SEMA5A: variants seen among roughly 807,000 people sequenced by gnomAD.
SEMA5A encodes semaphorin-5A.
SEMA5A carries 55 observed loss-of-function variants against 135.5 expected under a neutral mutation model. The observed-to-expected ratio is 0.41, with a 90% CI of 0.33 to 0.51. The LOEUF is 0.51. Ranked by LOEUF, SEMA5A falls within the 20% of genes least tolerant of loss-of-function variation. The pLI is 0.37. For missense variants in SEMA5A, 1,290 were observed against 1,419.9 expected, an observed-to-expected ratio of 0.91 and a Z score of 1.47; for synonymous variants, 580 against 546.5, an observed-to-expected ratio of 1.06 and a Z score of -0.85.
intron 22 of SEMA5A, 80 bp downstream of exon 22, chr5:9,044,293 G>T: frequency 8.4e-7 from 1 of 1,194,334 alleles, no homozygotes; most frequent in Non-Finnish European, 1.2e-6. Flanking sequence ...AACCACCACA[G>T]CAGAGAAAGG....
chr5:9,047,627 A>ATGAT (rs1351538618), intron 21 of SEMA5A, among the ~76,000 whole-genome samples: 10 of 152,214 alleles, frequency 6.6e-5, no homozygotes, highest in African/African-American at 2.4e-4. Context: ...TTCCTGTACA[A>ATGAT]TGATTGATTT....
At chr5:9,309,889 C>G (rs1322249109) in intron 5 of SEMA5A, among the ~76,000 whole-genome samples, 2 of 10,672 alleles carry the variant, frequency 1.9e-4, no homozygotes, top group Non-Finnish European at 7.6e-4. Context: ...AAATCTTCAC[C>G]AAGGGAACAG....
Position 9,360,121 on chromosome 5 carries a change from T to G in SEMA5A, c.124+19702A>C, listed in dbSNP as rs922802648. ...GTTGTTCAATGAACTACTCACTAGA[T>G]GAACCACTGGCCTTTGCAGGTATTA... On this transcript the variant is annotated intron_variant, in intron 3 of 22. Transcript: ENST00000382496. Among the ~76,000 whole-genome samples the G allele has an allele frequency of 3.9e-5, 6 of 152,372 alleles. No individual in the cohort carries two copies. In the East Asian group the frequency reaches 1.2e-3, roughly 29 times the overall value.
At chr5:9,393,874 A>C (rs1756273370) in intron 2 of SEMA5A, among the ~76,000 whole-genome samples, 1 of 152,196 alleles carries the variant, frequency 6.6e-6, no homozygotes. Flanking sequence ...AAAAATTAGA[A>C]ATAATACAGG....
At chr5:9,473,383 T>TTTAAAAA (rs375160174) in intron 1 of SEMA5A, among the ~76,000 whole-genome samples, 2 of 79,704 alleles carry the variant, frequency 2.5e-5, no homozygotes, top group African/African-American at 1.0e-4. Context: ...CAATCAGTGG[T>TTTAAAAA]AAAAAAAAAA....
chr5:9,174,852 T>A (rs905460913), intron 11 of SEMA5A, among the ~76,000 whole-genome samples: 1 of 152,218 alleles, frequency 6.6e-6, no homozygotes, highest in African/African-American at 2.4e-5. Context: ...GCCCTTCATG[T>A]TAGACTACAT....
intron 5 of SEMA5A, among the ~76,000 whole-genome samples, chr5:9,305,728 T>TATATATATATGTATATATATATATA (rs1287444762): frequency 5.2e-4 from 49 of 95,020 alleles, no homozygotes; most frequent in African/African-American, 1.7e-3. Context: ...ATATATATAT[T>TATATATATATGTATATATATATATA]TACACGCACA....
intron 5 of SEMA5A, among the ~76,000 whole-genome samples, chr5:9,300,634 C>T (rs1751570194): frequency 6.6e-6 from 1 of 152,076 alleles, no homozygotes; most frequent in Non-Finnish European, 1.5e-5. Flanking sequence ...CTATTTGGAA[C>T]CTGTAATGGT....
chr5:9,231,596 C>T (rs1561051893), intron 6 of SEMA5A, among the ~76,000 whole-genome samples: 1 of 152,092 alleles, frequency 6.6e-6, no homozygotes, highest in African/African-American at 2.4e-5. Flanking sequence ...CGCACTTTGC[C>T]AATCTCTGTT....
intron 5 of SEMA5A, among the ~76,000 whole-genome samples, chr5:9,310,638 G>A (rs538984512): frequency 9.3e-5 from 14 of 151,008 alleles, no homozygotes; most frequent in Non-Finnish European, 1.8e-4. Context: ...TCCAACAGAG[G>A]GTAGTTATAT....
intron 8 of SEMA5A, among the ~76,000 whole-genome samples, chr5:9,210,256 A>T (rs1347912683): frequency 6.6e-6 from 1 of 152,174 alleles, no homozygotes; most frequent in African/African-American, 2.4e-5. Flanking sequence ...AAGCTTCCTC[A>T]CATGACTGGA....
chr5:9,345,732 G>A (rs1223929301), intron 3 of SEMA5A, among the ~76,000 whole-genome samples: 4 of 152,142 alleles, frequency 2.6e-5, no homozygotes, highest in African/African-American at 9.7e-5. Context: ...ACTGCACTTA[G>A]TGAAGTAGAT....
intron 1 of SEMA5A, among the ~76,000 whole-genome samples, chr5:9,533,152 G>C: frequency 6.6e-6 from 1 of 152,222 alleles, no homozygotes; most frequent in East Asian, 1.9e-4. Flanking sequence ...CCATGATACT[G>C]TGGTGTCCAA....
chr5:9,127,937 C>T (rs1579443901), intron 13 of SEMA5A, among the ~76,000 whole-genome samples: 1 of 152,072 alleles, frequency 6.6e-6, no homozygotes, highest in Non-Finnish European at 1.5e-5. Flanking sequence ...ATGGTGACAA[C>T]CGAATGAAGA....
rs116176824 is a variant in SEMA5A at position 9,440,723 on chromosome 5, C to T, written c.-174-2871G>A. 3.1e-3 allele frequency among the ~76,000 whole-genome samples: 471 copies of T among 152,348 alleles called. 4 individuals are homozygous for T. The highest frequency in any genetic ancestry group is 0.011 in the African/African-American group (451 of 41,576). On this transcript the variant is annotated intron_variant, in intron 1 of 22. Coordinates refer to ENST00000382496, the MANE Select transcript of SEMA5A (RefSeq NM_003966.3). Reference sequence around the variant, plus strand: ...TAAGTGCTCATCAGCACATGACTTTCTGCTAAAATATGCAACCTTCTCCCT... The same window carrying T: ...TAAGTGCTCATCAGCACATGACTTTTTGCTAAAATATGCAACCTTCTCCCT...
chr5:9,251,185 A>G (rs1425184977), intron 5 of SEMA5A, among the ~76,000 whole-genome samples: 1 of 152,048 alleles, frequency 6.6e-6, no homozygotes, highest in Non-Finnish European at 1.5e-5. Context: ...TACTAGGATG[A>G]CTCTAGTCAG....
intron 4 of SEMA5A, among the ~76,000 whole-genome samples, chr5:9,336,789 A>G (rs946849323): frequency 5.3e-5 from 8 of 152,072 alleles, no homozygotes; most frequent in African/African-American, 1.9e-4. Context: ...ATTTAGCTGC[A>G]CTCGTGTTTA....
chr5:9,455,672 A>G (rs1758807860), intron 1 of SEMA5A, among the ~76,000 whole-genome samples: 1 of 152,230 alleles, frequency 6.6e-6, no homozygotes, highest in African/African-American at 2.4e-5. Flanking sequence ...ATAGTAAGAA[A>G]TTGTGAGAAT....
At chr5:9,504,627 C>T (rs1735778192) in intron 1 of SEMA5A, among the ~76,000 whole-genome samples, 1 of 152,318 alleles carries the variant, frequency 6.6e-6, no homozygotes, top group South Asian at 2.1e-4. Flanking sequence ...GTCAGTAGAG[C>T]TGCCCCTGAA....
Sources: gnomAD v4.1 joint callset for allele counts (sites outside exome capture counted in the v4.1 genomes callset) on GRCh38, gnomAD v4.1.1 for gene constraint, MANE v1.5 for transcripts, NCBI Gene and HGNC (gene_info 2026-07-23, HGNC 2026-07-21) for gene names.